Variants in PCLO observed in about 807,000 individuals in gnomAD.
PCLO encodes the protein piccolo presynaptic cytomatrix protein.
In PCLO, 82 loss-of-function variants were observed where a neutral mutation model predicts 427.5. The ratio of observed to expected loss-of-function variants is 0.19; its 90% CI spans 0.16 to 0.23. The LOEUF (loss-of-function observed/expected upper bound fraction) is 0.23, where lower values mean the gene tolerates loss of function less well. Among genes scored for constraint, PCLO ranks in the 10% least tolerant of loss-of-function variants. PCLO has a pLI of 1.00. For synonymous variants in PCLO, 2,357 were observed against 2,155.4 expected (o/e 1.09, Z -2.59); for missense variants, 6,239 against 6,115.9 (o/e 1.02, Z -0.67).
intron 3 of PCLO, among the ~76,000 whole-genome samples, chr7:83,120,478 C>T (rs1791249392): frequency 6.7e-6 from 1 of 149,308 alleles, no homozygotes; most frequent in Non-Finnish European, 1.5e-5. Context: ...TACCAATATT[C>T]AAGTACAAGC....
Position 82,836,240 on chromosome 7 carries a change from T to C in PCLO, c.14223-547A>G, listed in dbSNP as rs1792230347. Among the ~76,000 whole-genome samples, 4 of 152,306 alleles carry C rather than the reference T, an allele frequency of 2.6e-5. No homozygotes were observed. The South Asian group carries it at 8.3e-4, about 32-fold the overall frequency. ...GATATTCCAGGATATCATTAGAGAA[T>C]ATAGAATATAAACAACAATGCTTTA... On this transcript the variant is annotated intron_variant, in intron 15 of 24. Coordinates refer to ENST00000333891, the MANE Select transcript of PCLO (RefSeq NM_033026.6).
intron 9 of PCLO, among the ~76,000 whole-genome samples, chr7:82,901,040 G>GT (rs894322146): frequency 1.3e-4 from 20 of 151,788 alleles, no homozygotes; most frequent in Admixed American, 2.6e-4. Context: ...TTAATTTCCT[G>GT]TATAAGAATG....
At chr7:82,771,524 A>C (rs1269664310) in intron 22 of PCLO, among the ~76,000 whole-genome samples, 3 of 152,096 alleles carry the variant, frequency 2.0e-5, no homozygotes, top group Non-Finnish European at 4.4e-5. Context: ...TACCAGTTGA[A>C]TCACTTGAAA....
At chr7:82,768,137 A>G (rs1030062613) in intron 22 of PCLO, among the ~76,000 whole-genome samples, 1 of 152,170 alleles carries the variant, frequency 6.6e-6, no homozygotes, top group Non-Finnish European at 1.5e-5. Context: ...AAAACATAGT[A>G]TTAGGCTGGG....
intron 22 of PCLO, among the ~76,000 whole-genome samples, chr7:82,798,415 T>A (rs1791273657): frequency 6.6e-6 from 1 of 152,156 alleles, no homozygotes; most frequent in Non-Finnish European, 1.5e-5. Flanking sequence ...GCTGTTTATG[T>A]TCACTGACAA....
At chr7:82,812,111 A>T (rs1791584554) in intron 20 of PCLO, among the ~76,000 whole-genome samples, 1 of 151,438 alleles carries the variant, frequency 6.6e-6, no homozygotes, top group Admixed American at 6.6e-5. Flanking sequence ...TGTGTTCCAG[A>T]AAGATGGTAA....
chr7:82,893,957 C>T (rs927071985), intron 9 of PCLO, among the ~76,000 whole-genome samples: 1 of 151,422 alleles, frequency 6.6e-6, no homozygotes, highest in Non-Finnish European at 1.5e-5. Flanking sequence ...GAATCTTATG[C>T]CAAAATAAAT....
At chr7:82,984,764 G>T (rs2115799691) in intron 3 of PCLO, among the ~76,000 whole-genome samples, 1 of 152,024 alleles carries the variant, frequency 6.6e-6, no homozygotes, top group Admixed American at 6.6e-5. Flanking sequence ...GGGAAAACTT[G>T]TCTTTTATTA....
At position 83,008,689 on chromosome 7, in the gene PCLO, CT is replaced by C. The variant is rs539007900; in HGVS notation, c.3301-42203del. ...GCTTTGCAGGGTTAGGTAGGAAAGACTAAAAATGTATAATAGGTTGACTCAG... is the reference window on the plus strand; with the variant it reads ...GCTTTGCAGGGTTAGGTAGGAAAGACAAAAATGTATAATAGGTTGACTCAG... On this transcript the variant is annotated intron_variant, in intron 3 of 24. Coordinates refer to ENST00000333891, the MANE Select transcript of PCLO (RefSeq NM_033026.6). Among the ~76,000 whole-genome samples, 33 of 151,592 alleles carry C rather than the reference CT, an allele frequency of 2.2e-4. No homozygotes were observed. The East Asian group carries it at 6.4e-3, about 29-fold the overall frequency.
At chr7:82,765,602 T>A (rs1258454663) in intron 22 of PCLO, among the ~76,000 whole-genome samples, 1 of 152,010 alleles carries the variant, frequency 6.6e-6, no homozygotes, top group African/African-American at 2.4e-5. Flanking sequence ...AGATTTGGTA[T>A]AAAATGTCTG....
In PCLO at chr7:83,033,050, A is replaced by C. The variant is rs111967181; in HGVS notation, c.3301-66563T>G. 6.6e-4 allele frequency among the ~76,000 whole-genome samples: 100 copies of C among 151,648 alleles called. 1 individual carries two copies. Among genetic ancestry groups the C allele is most frequent in the Middle Eastern group, 3.4e-3 (1 of 294 alleles). On this transcript the variant is annotated intron_variant, in intron 3 of 24. Transcript: ENST00000333891. Reference sequence around the variant, plus strand: ...TGATAAGTGTTTGGCATTTTCGCCTACTCACCCTCTCTCTCTCCTACCACC... The same window carrying C: ...TGATAAGTGTTTGGCATTTTCGCCTCCTCACCCTCTCTCTCTCCTACCACC...
Position 83,134,523 on chromosome 7 carries a change from C to A in PCLO, c.3027G>T (p.Glu1009Asp). 6.2e-7 allele frequency: 1 copy of A among 1,613,756 alleles called. No individual in the cohort carries two copies. The highest frequency in any genetic ancestry group is 1.3e-5 in the African/African-American group (1 of 74,954). ...ETKAPAAEKLEPKAEQAPTVK... is the reference protein window; with the variant it reads ...ETKAPAAEKLDPKAEQAPTVK... Reference sequence around the variant, plus strand: ...CTGTTGGAGCTTGTTCAGCTTTGGGCTCTAATTTTTCAGCTGCTGGGGCTT... The same window carrying A: ...CTGTTGGAGCTTGTTCAGCTTTGGGATCTAATTTTTCAGCTGCTGGGGCTT... The change falls in exon 3 of 25, where the codon GAG becomes GAT. Residue 1009 changes from glutamate (E) to aspartate (D), a missense_variant. By Grantham distance (45) the Glu-to-Asp change is conservative. Transcript: ENST00000333891.
In PCLO at chr7:82,831,143, A is replaced by G. The variant is rs182672150; in HGVS notation, c.14250-3177T>C. ...ATGTGTTAACTCATGTAATACTCAT[A>G]TTAACCCCATTATACAGGTATTACT... On this transcript the variant is annotated intron_variant, in intron 16 of 24. Coordinates refer to ENST00000333891, the MANE Select transcript of PCLO (RefSeq NM_033026.6). 4.1e-4 allele frequency among the ~76,000 whole-genome samples: 63 copies of G among 152,252 alleles called. 1 individual carries two copies. Among genetic ancestry groups the G allele is most frequent in the Admixed American group, 4.6e-4 (7 of 15,280 alleles).
At chr7:82,991,888 T>A (rs1006068256) in intron 3 of PCLO, among the ~76,000 whole-genome samples, 1 of 152,084 alleles carries the variant, frequency 6.6e-6, no homozygotes, top group African/African-American at 2.4e-5. Flanking sequence ...TTCCTATAGG[T>A]ACTTTAAACT....
At chr7:82,855,877 A>C (rs1350232252) in intron 10 of PCLO, among the ~76,000 whole-genome samples, 1 of 152,096 alleles carries the variant, frequency 6.6e-6, no homozygotes, top group Non-Finnish European at 1.5e-5. Context: ...GGAAGTAGGG[A>C]CCAGCATCCT....
intron 3 of PCLO, among the ~76,000 whole-genome samples, chr7:82,972,319 A>G (rs13437841): frequency 0.051 from 7,752 of 152,112 alleles, 648 homozygotes; most frequent in African/African-American, 0.18. Context: ...TGTGCCACTC[A>G]GCATTTTTCC....
intron 22 of PCLO, among the ~76,000 whole-genome samples, chr7:82,773,713 C>G (rs1455283262): frequency 1.3e-5 from 2 of 151,460 alleles, no homozygotes; most frequent in Non-Finnish European, 2.9e-5. Context: ...TCTTAATCCA[C>G]TTGTGCTATT....
At chr7:82,803,584 T>A (rs1791402169) in intron 21 of PCLO, among the ~76,000 whole-genome samples, 1 of 152,138 alleles carries the variant, frequency 6.6e-6, no homozygotes, top group South Asian at 2.1e-4. Flanking sequence ...CTAAATTAAG[T>A]GCAAAGGAAA....
At chr7:83,020,420 G>T (rs939971961) in intron 3 of PCLO, among the ~76,000 whole-genome samples, 1 of 152,056 alleles carries the variant, frequency 6.6e-6, no homozygotes, top group African/African-American at 2.4e-5. Flanking sequence ...CTTTGAGGGA[G>T]TTATTAAATC....
Sources: allele counts gnomAD v4.1 joint callset (sites outside exome capture counted in the v4.1 genomes callset), GRCh38; gene constraint gnomAD v4.1.1; transcripts MANE v1.5; gene names NCBI Gene and HGNC (gene_info 2026-07-23, HGNC 2026-07-21).